The following INSC variants were observed in gnomAD, a reference collection of about 807,000 sequenced individuals.
INSC encodes the protein protein inscuteable homolog.
INSC carries 67 observed loss-of-function variants against 58.6 expected under a neutral mutation model. The observed-to-expected ratio is 1.14, with a 90% CI of 0.94 to 1.40. The LOEUF is 1.40. INSC is among the 40% of genes most tolerant of loss of function. INSC has a pLI of 0.00. For missense variants in INSC, 714 were observed against 692.0 expected, an observed-to-expected ratio of 1.03 and a Z score of -0.36; for synonymous variants, 262 against 276.1, an observed-to-expected ratio of 0.95 and a Z score of 0.51.
In INSC at chr11:15,163,187, T is replaced by A. The variant is rs142902631; in HGVS notation, c.57-12554T>A. 1.8e-3 allele frequency among the ~76,000 whole-genome samples: 272 copies of A among 152,328 alleles called. 1 individual carries two copies. Among genetic ancestry groups the A allele is most frequent in the Non-Finnish European group, 1.8e-3 (122 of 68,032 alleles). On this transcript the variant is annotated intron_variant, in intron 2 of 12. Coordinates refer to ENST00000379556, the MANE Select transcript of INSC (RefSeq NM_001042536.3). ...ACTTTATTTCCTTGAGTATTTTAAATATGTAACTCTACTTTTTCTGATATA... is the reference window on the plus strand; with the variant it reads ...ACTTTATTTCCTTGAGTATTTTAAAAATGTAACTCTACTTTTTCTGATATA...
chr11:15,137,206 T>C (rs768414664), intron 1 of INSC, among the ~76,000 whole-genome samples: 1 of 152,200 alleles, frequency 6.6e-6, no homozygotes, highest in East Asian at 1.9e-4. Context: ...TATAAACAGA[T>C]GTGCTGTCAT....
At chr11:15,113,145 C>CTTTCTTTCTTTCTT (rs200716197), upstream of INSC, among the ~76,000 whole-genome samples, 1 of 133,504 alleles carries the variant, frequency 7.5e-6, no homozygotes, top group Non-Finnish European at 1.6e-5. Context: ...TTCTTTCTTT[C>CTTTCTTTCTTTCTT]TGTCTCTCTC....
intron 2 of INSC, among the ~76,000 whole-genome samples, chr11:15,161,743 C>T (rs1443837697): frequency 6.6e-6 from 1 of 152,112 alleles, no homozygotes; most frequent in Non-Finnish European, 1.5e-5. Flanking sequence ...GTAAAAGCCC[C>T]CATGCACAGT....
chr11:15,150,144 A>G (rs1169348925), intron 2 of INSC, among the ~76,000 whole-genome samples: 2 of 152,208 alleles, frequency 1.3e-5, no homozygotes, highest in Non-Finnish European at 2.9e-5. Context: ...TAGCATTGCC[A>G]GGCCTAGCCA....
Position 15,200,832 on chromosome 11 carries a change from G to A in INSC, c.702G>A (p.Gly234=). The A allele has an allele frequency of 6.2e-7, 1 of 1,614,006 alleles. No individual in the cohort carries two copies. The highest frequency in any genetic ancestry group is 1.3e-5 in the African/African-American group (1 of 75,018). Residue 234 remains glycine, a synonymous_variant, in exon 7 of 13, where the codon GGG becomes GGA. Transcript: ENST00000379556. The stretch of plus-strand genomic sequence containing the variant: ...TTTCTTTCTCTTGGCAGGAGGGTGG[G>A]GTCGTAGCACTCTTCAAGGTTTGCC... ...PLCRIIAKEG[G]VVALFKVCRQ...
chr11:15,186,145 T>C (rs1849957450), intron 5 of INSC, among the ~76,000 whole-genome samples: 1 of 152,216 alleles, frequency 6.6e-6, no homozygotes, highest in Non-Finnish European at 1.5e-5. Flanking sequence ...TGTTCCCGAA[T>C]TCTGAGTCCA....
At chr11:15,152,956 T>C (rs1848699822) in intron 2 of INSC, among the ~76,000 whole-genome samples, 1 of 152,220 alleles carries the variant, frequency 6.6e-6, no homozygotes, top group South Asian at 2.1e-4. Context: ...TAAACCTGAG[T>C]GCTGGGTAGT....
chr11:15,113,044 C>T (rs1469494054), upstream of INSC, among the ~76,000 whole-genome samples: 1 of 151,916 alleles, frequency 6.6e-6, no homozygotes, highest in African/African-American at 2.4e-5. Context: ...GACTTCTTTC[C>T]TTCCCTTCCT....
chr11:15,188,811 G>C (rs1264481412), intron 5 of INSC, among the ~76,000 whole-genome samples: 1 of 152,168 alleles, frequency 6.6e-6, no homozygotes, highest in East Asian at 1.9e-4. Context: ...GGAACATTAG[G>C]TAATTATCAT....
the INSC span, among the ~76,000 whole-genome samples, chr11:15,256,428 A>T: frequency 6.6e-6 from 1 of 152,084 alleles, no homozygotes; most frequent in African/African-American, 2.4e-5. Flanking sequence ...CAACTGAGAA[A>T]GTTCACAGCC....
At chr11:15,210,857 C>T (rs573841822) in intron 7 of INSC, among the ~76,000 whole-genome samples, 3 of 151,936 alleles carry the variant, frequency 2.0e-5, no homozygotes, top group Non-Finnish European at 4.4e-5. Context: ...GGATGATACA[C>T]TGTGAAGGTT....
intron 1 of INSC, among the ~76,000 whole-genome samples, chr11:15,138,747 T>C (rs1004494036): frequency 3.3e-5 from 5 of 152,306 alleles, no homozygotes; most frequent in Admixed American, 6.5e-5. Context: ...TCACTTTCTC[T>C]GAAATATCAT....
chr11:15,200,900 C>T lies in INSC; in HGVS notation c.770C>T (p.Thr257Met), dbSNP rs370920337. 97 of 1,613,418 alleles carry T rather than the reference C, an allele frequency of 6.0e-5. No homozygotes were observed. Among genetic ancestry groups the T allele is most frequent in the South Asian group, 1.6e-4 (15 of 90,968 alleles). ...TGCTTGTACCCCCAGGCGCTCCGCA[C>T]GCTGGCCTCCATCTGCTGCGTGGAA... ...FRCLYPQALR[T>M]LASICCVEEG... Residue 257 changes from threonine to methionine, a missense_variant, in exon 7 of 13, where the codon ACG becomes ATG. By Grantham distance (81) the Thr-to-Met change is moderately conservative (BLOSUM62 -1). Transcript: ENST00000379556.
At chr11:15,188,214 A>T in intron 5 of INSC, 1 of 985,456 alleles carries the variant, frequency 1.0e-6, no homozygotes, top group Non-Finnish European at 1.2e-6. Context: ...TTACCAATAC[A>T]TAGTGTTAGA....
chr11:15,176,041 C>A lies in INSC; in HGVS notation c.357C>A (p.Ser119Arg), dbSNP rs200340223. ...RLTCHARSMV[S>R]EYSAVSRNSL... ...CCTGCCATGCCCGCTCCATGGTCAG[C>A]GAGTACAGTGCTGTCAGCAGGAACT... The change falls in exon 3 of 13, where the codon AGC becomes AGA. Residue 119 changes from serine to arginine, a missense_variant. Ser to Arg is a moderately radical substitution (Grantham distance 110). Coordinates refer to ENST00000379556, the MANE Select transcript of INSC (RefSeq NM_001042536.3). The A allele has an allele frequency of 8.7e-5, 137 of 1,566,968 alleles. 1 individual carries two copies. Among genetic ancestry groups the A allele is most frequent in the Non-Finnish European group, 3.5e-6 (4 of 1,151,868 alleles).
intron 5 of INSC, among the ~76,000 whole-genome samples, chr11:15,183,537 G>A (rs1849858425): frequency 6.6e-6 from 1 of 152,078 alleles, no homozygotes; most frequent in Admixed American, 6.6e-5. Context: ...CAAACAGTGT[G>A]TGGCTCTTGA....
At chr11:15,219,635 G>A (rs1851361076) in intron 7 of INSC, among the ~76,000 whole-genome samples, 1 of 152,134 alleles carries the variant, frequency 6.6e-6, no homozygotes, top group Non-Finnish European at 1.5e-5. Flanking sequence ...TGGGGATTAG[G>A]GCAAGTTACT....
At chr11:15,248,863 C>T (rs755779599), downstream of INSC, among the ~76,000 whole-genome samples, 6 of 152,066 alleles carry the variant, frequency 3.9e-5, no homozygotes, top group African/African-American at 9.7e-5. Context: ...ACTTGAATGC[C>T]GAGTTAAGGA....
At chr11:15,253,385 G>A in the INSC span, among the ~76,000 whole-genome samples, 1 of 152,116 alleles carries the variant, frequency 6.6e-6, no homozygotes, top group South Asian at 2.1e-4. Context: ...AGCTTCCGAC[G>A]TAAGATCCTT....
Sources: gnomAD v4.1 joint callset for allele counts (sites outside exome capture counted in the v4.1 genomes callset) on GRCh38, gnomAD v4.1.1 for gene constraint, MANE v1.5 for transcripts, NCBI Gene and HGNC (gene_info 2026-07-23, HGNC 2026-07-21) for gene names.